SYNPR: variants seen among roughly 807,000 people sequenced by gnomAD.
The protein encoded by SYNPR is synaptoporin.
Under a neutral mutation model 32.9 loss-of-function variants are expected in SYNPR, and 23 were observed. The ratio of observed to expected loss-of-function variants is 0.70; its 90% confidence interval spans 0.50 to 0.99. SYNPR has a LOEUF of 0.99. Ranked by LOEUF, SYNPR falls within the 50% of genes least tolerant of loss-of-function variation. The pLI, the probability that SYNPR is intolerant of heterozygous loss-of-function variation, is 0.00. For missense variants in SYNPR, 318 were observed against 349.3 expected (o/e 0.91, Z 0.71); for synonymous variants, 146 against 135.9 (o/e 1.07, Z -0.52).
chr3:63,248,108 T>C (rs1372806287), intron 1 of SYNPR, among the ~76,000 whole-genome samples: 1 of 152,124 alleles, frequency 6.6e-6, no homozygotes, highest in African/African-American at 2.4e-5. Context: ...TAAGTAGCAG[T>C]TCCAGAAAGG....
At chr3:63,612,918 T>A (rs1009265895) in intron 5 of SYNPR, among the ~76,000 whole-genome samples, 2 of 125,818 alleles carry the variant, frequency 1.6e-5, no homozygotes, top group Non-Finnish European at 3.3e-5. Flanking sequence ...CTCTCCTCTC[T>A]TCTCTTCTCC....
At chr3:63,346,601 AG>A (rs1273218298) in intron 2 of SYNPR, among the ~76,000 whole-genome samples, 1 of 152,044 alleles carries the variant, frequency 6.6e-6, no homozygotes, top group Admixed American at 6.6e-5. Context: ...CCTCCTGAGT[AG>A]CTGGGATTAC....
At chr3:63,304,458 G>A (rs1484993706) in intron 2 of SYNPR, among the ~76,000 whole-genome samples, 1 of 151,824 alleles carries the variant, frequency 6.6e-6, no homozygotes, top group Non-Finnish European at 1.5e-5. Flanking sequence ...ATGAGCAAAA[G>A]AGAGACCAGG....
chr3:63,436,156 C>T (rs1481174116), intron 2 of SYNPR, among the ~76,000 whole-genome samples: 1 of 151,508 alleles, frequency 6.6e-6, no homozygotes, highest in African/African-American at 2.4e-5. Flanking sequence ...ATTGTTGTTT[C>T]CTATTGAGGA....
intron 2 of SYNPR, among the ~76,000 whole-genome samples, chr3:63,463,903 T>C (rs1420479419): frequency 6.6e-6 from 1 of 152,216 alleles, no homozygotes; most frequent in Non-Finnish European, 1.5e-5. Context: ...TCTATTTTTT[T>C]GTAATGTTGA....
chr3:63,416,231 T>C (rs529124507), intron 2 of SYNPR, among the ~76,000 whole-genome samples: 20 of 152,192 alleles, frequency 1.3e-4, no homozygotes, highest in Non-Finnish European at 2.5e-4. Flanking sequence ...ACACAGAATC[T>C]GGATCAAAAA....
intron 3 of SYNPR, among the ~76,000 whole-genome samples, chr3:63,488,194 A>G (rs1312394695): frequency 6.6e-6 from 1 of 152,218 alleles, no homozygotes; most frequent in Non-Finnish European, 1.5e-5. Flanking sequence ...GAAGGGCTGC[A>G]ATTTTTTATA....
Position 63,581,284 on chromosome 3 carries a change from C to T in SYNPR, c.408+24543C>T, listed in dbSNP as rs116037834. Among the ~76,000 whole-genome samples, 418 of 150,350 alleles carry T rather than the reference C, an allele frequency of 2.8e-3. 4 individuals are homozygous for T. The highest frequency in any genetic ancestry group is 9.7e-3 in the African/African-American group (400 of 41,194). ...CGTTGAGAACCATTACCTTGAAACC[C>T]TTCGGGAAGGTTGGTGGAGGAGGGA... On this transcript the variant is annotated intron_variant, in intron 4 of 5. Transcript: ENST00000478300.
At chr3:63,365,874 G>T (rs980658668) in intron 2 of SYNPR, among the ~76,000 whole-genome samples, 1 of 152,174 alleles carries the variant, frequency 6.6e-6, no homozygotes, top group Non-Finnish European at 1.5e-5. Flanking sequence ...ACTTCAGAGT[G>T]ATGAGTCCAT....
chr3:63,559,772 C>A (rs1306728242), intron 4 of SYNPR, among the ~76,000 whole-genome samples: 1 of 151,028 alleles, frequency 6.6e-6, no homozygotes, highest in Non-Finnish European at 1.5e-5. Context: ...TTAACAGAGT[C>A]ACCAAACTTG....
At chr3:63,437,515 T>C (rs1471373439) in intron 2 of SYNPR, among the ~76,000 whole-genome samples, 1 of 147,648 alleles carries the variant, frequency 6.8e-6, no homozygotes, top group Non-Finnish European at 1.5e-5. Context: ...TGAAAAGAGG[T>C]AAACAAGGTT....
the SYNPR span, among the ~76,000 whole-genome samples, chr3:63,221,472 G>A: frequency 1.8e-3 from 275 of 152,266 alleles, no homozygotes; most frequent in African/African-American, 6.2e-3. Context: ...GTGCAAGAGT[G>A]TGCACCTCAG....
At chr3:63,349,468 C>A (rs2087478114) in intron 2 of SYNPR, among the ~76,000 whole-genome samples, 1 of 152,190 alleles carries the variant, frequency 6.6e-6, no homozygotes, top group African/African-American at 2.4e-5. Context: ...TCTACAATTT[C>A]TTTCATCATT....
At chr3:63,374,669 G>C (rs2087863374) in intron 2 of SYNPR, among the ~76,000 whole-genome samples, 1 of 152,106 alleles carries the variant, frequency 6.6e-6, no homozygotes, top group African/African-American at 2.4e-5. Context: ...AAATCTTTCA[G>C]GGTTTCCAGT....
At chr3:63,264,396 G>GA (rs3082043) in intron 2 of SYNPR, among the ~76,000 whole-genome samples, 1 of 151,712 alleles carries the variant, frequency 6.6e-6, no homozygotes, top group South Asian at 2.1e-4. Flanking sequence ...AAGCCTGTTT[G>GA]AAAAAAATCA....
chr3:63,513,995 T>C (rs1701745605), intron 3 of SYNPR, among the ~76,000 whole-genome samples: 1 of 152,272 alleles, frequency 6.6e-6, no homozygotes, highest in South Asian at 2.1e-4. Context: ...GCCGATCTTC[T>C]TCCCATGCTC....
chr3:63,505,269 G>A (rs905356634), intron 3 of SYNPR, among the ~76,000 whole-genome samples: 4 of 152,074 alleles, frequency 2.6e-5, no homozygotes, highest in South Asian at 2.1e-4. Context: ...GGTGAATATC[G>A]ACAATTTTAT....
rs547067141 is a variant in SYNPR at position 63,548,611 on chromosome 3, A to G, written c.210-7932A>G. On this transcript the variant is annotated intron_variant, in intron 3 of 5. Transcript: ENST00000478300. Reference sequence around the variant, plus strand: ...AATATTTCATATAGGGAAGAGAGGGATAAAAATGGAGCAAAAGGATTAAAG... The same window carrying G: ...AATATTTCATATAGGGAAGAGAGGGGTAAAAATGGAGCAAAAGGATTAAAG... Among the ~76,000 whole-genome samples the G allele has an allele frequency of 1.5e-4, 23 of 152,310 alleles. No individual in the cohort carries two copies. The South Asian group carries it at 3.1e-3, about 21-fold the overall frequency.
At chr3:63,360,296 CCT>C (rs1363999336) in intron 2 of SYNPR, among the ~76,000 whole-genome samples, 1 of 152,066 alleles carries the variant, frequency 6.6e-6, no homozygotes, top group Non-Finnish European at 1.5e-5. Context: ...AAACTTATAC[CCT>C]GATTCTGACC....
Sources: allele counts gnomAD v4.1 joint callset (sites outside exome capture counted in the v4.1 genomes callset), GRCh38; gene constraint gnomAD v4.1.1; transcripts MANE v1.5; gene names NCBI Gene and HGNC (gene_info 2026-07-23, HGNC 2026-07-21).